Variants in RUVBL2 observed in about 807,000 individuals in gnomAD.
The protein encoded by RUVBL2 is RuvB like AAA ATPase 2.
RUVBL2 carries 9 observed loss-of-function variants against 57.9 expected under a neutral mutation model. That is an observed-to-expected ratio of 0.16 (90% confidence interval 0.09 to 0.27). RUVBL2 has a LOEUF of 0.27. RUVBL2 is among the 10% of genes least tolerant of loss of function. The pLI, the probability that RUVBL2 is intolerant of heterozygous loss-of-function variation, is 1.00. For synonymous variants in RUVBL2, 278 were observed against 264.6 expected (o/e 1.05, Z -0.49); for missense variants, 456 against 669.6 (o/e 0.68, Z 3.52).
At chr19:49,010,467 T>TGGCCCCC in intron 8 of RUVBL2, 21 bp from the exon 9 acceptor site, 6 of 1,401,190 alleles carry the variant, frequency 4.3e-6, no homozygotes, top group Non-Finnish European at 6.0e-6. Flanking sequence ...CCGCCGTTCT[T>TGGCCCCC]CCCCCACCCC....
chr19:49,009,404 G>A (rs905484611), intron 6 of RUVBL2, among the ~76,000 whole-genome samples: 34 of 149,228 alleles, frequency 2.3e-4, no homozygotes, highest in African/African-American at 5.9e-4. Flanking sequence ...GGAGAATGGC[G>A]TGAACCCGGG....
chr19:48,998,421 A>G (rs2039106863), intron 1 of RUVBL2, among the ~76,000 whole-genome samples: 1 of 152,136 alleles, frequency 6.6e-6, no homozygotes, highest in African/African-American at 2.4e-5. Flanking sequence ...TTGTCTGGGC[A>G]CGGTGGTTCA....
chr19:48,993,750 G>A, upstream of RUVBL2: 1 of 881,532 alleles, frequency 1.1e-6, no homozygotes, highest in Non-Finnish European at 1.8e-6. Flanking sequence ...CGCAGCCTCG[G>A]TGGGAGGGCG....
intron 7 of RUVBL2, 21 bp from the exon 8 acceptor site, chr19:49,009,952 C>T (rs1600189596): frequency 1.2e-6 from 2 of 1,609,364 alleles, no homozygotes; most frequent in South Asian, 2.2e-5. Context: ...TTTCCTTACC[C>T]TACCCCCCAT....
Position 49,006,361 on chromosome 19 carries a change from C to T in RUVBL2, c.266-657C>T, listed in dbSNP as rs564174565. 3.4e-3 allele frequency among the ~76,000 whole-genome samples: 525 copies of T among 152,356 alleles called. 2 individuals are homozygous for T. Among genetic ancestry groups the T allele is most frequent in the Non-Finnish European group, 5.3e-3 (359 of 68,040 alleles). ...AGACAGACCTGCTTCCTGCCAGCCACCCCAGGCCACCGGCGGTAGAGCGTC... is the reference window on the plus strand; with the variant it reads ...AGACAGACCTGCTTCCTGCCAGCCATCCCAGGCCACCGGCGGTAGAGCGTC... On this transcript the variant is annotated intron_variant, in intron 4 of 14. Coordinates refer to ENST00000595090, the MANE Select transcript of RUVBL2 (RefSeq NM_006666.3).
At chr19:49,006,346 G>A (rs1437287793) in intron 4 of RUVBL2, among the ~76,000 whole-genome samples, 2 of 152,262 alleles carry the variant, frequency 1.3e-5, no homozygotes, top group Non-Finnish European at 2.9e-5. Context: ...AGACAGACCT[G>A]CTTCCTGCCA....
chr19:49,007,203 A>G (rs2039299164), intron 5 of RUVBL2, 56 bp downstream of exon 5: 10 of 1,609,050 alleles, frequency 6.2e-6, no homozygotes, highest in Admixed American at 1.7e-5. Context: ...GCAACCCCGC[A>G]CCCCGGGCGG....
chr19:49,011,531 C>T lies in RUVBL2; in HGVS notation c.1001+221C>T, dbSNP rs1166553050. ...CTTTCTGTCTTGCTGCTCCTTTAGC[C>T]CCCAAGGCTGCAGTCTTCAAACTGC... On this transcript the variant is annotated intron_variant, in intron 11 of 14. Coordinates refer to ENST00000595090, the MANE Select transcript of RUVBL2 (RefSeq NM_006666.3). This position sits in a 1 kb window ranked among gnomAD's most constrained non-coding sequence, Gnocchi z 4.4. 1.3e-5 allele frequency among the ~76,000 whole-genome samples: 2 copies of T among 152,320 alleles called. No homozygotes were observed. Among genetic ancestry groups the T allele is most frequent in the East Asian group, 1.9e-4 (1 of 5,190 alleles).
intron 1 of RUVBL2, 124 bp downstream of exon 1, chr19:48,994,047 T>C: frequency 9.4e-7 from 1 of 1,068,804 alleles, no homozygotes; most frequent in Non-Finnish European, 1.3e-6. Flanking sequence ...GACTCCTGGG[T>C]CTGAAAGAGG....
rs986529969 is a variant in RUVBL2, at chr19:48,996,613, C to T, written c.12+2690C>T. On this transcript the variant is annotated intron_variant, in intron 1 of 14. Coordinates refer to ENST00000595090, the MANE Select transcript of RUVBL2 (RefSeq NM_006666.3). ...CGATCTCTGCTCGCTACAACCTCCG[C>T]CTCCTGGGTTCAAGCAATTCTCCTG... Among the ~76,000 whole-genome samples, 14 of 152,056 alleles carry T rather than the reference C, an allele frequency of 9.2e-5. 1 individual carries two copies. The highest frequency in any genetic ancestry group is 9.2e-4 in the Admixed American group (14 of 15,256).
intron 2 of RUVBL2, 72 bp downstream of exon 2, chr19:48,999,445 G>A (rs1205328725): frequency 1.3e-5 from 19 of 1,505,726 alleles, no homozygotes; most frequent in Non-Finnish European, 1.6e-5. Context: ...AACCTATTGA[G>A]GACCCCTAAG....
chr19:49,014,093 C>T lies in RUVBL2; in HGVS notation c.1002-391C>T, dbSNP rs1050999019. Among the ~76,000 whole-genome samples, 19 of 152,374 alleles carry T rather than the reference C, an allele frequency of 1.2e-4. No individual in the cohort carries two copies. The East Asian group carries it at 3.7e-3, about 29-fold the overall frequency. ...AGTGTTCACGATGACTTTCTAGAAC[C>T]TCACTACTGTGAATAAGGGGAACTG... On this transcript the variant is annotated intron_variant, in intron 11 of 14. Coordinates refer to ENST00000595090, the MANE Select transcript of RUVBL2 (RefSeq NM_006666.3).
Position 49,007,305 on chromosome 19 carries a change from G to A in RUVBL2, c.399G>A (p.Glu133=), listed in dbSNP as rs759278046. 1 of 1,613,940 alleles carries A rather than the reference G, an allele frequency of 6.2e-7. No individual in the cohort carries two copies. Among genetic ancestry groups the A allele is most frequent in the South Asian group, 1.1e-5 (1 of 90,986 alleles). ...CTCAGATCTGCTCTCTGGCTAGGGA[G>A]GAGACGGAGATCATCGAAGGGGAGG... is the stretch of plus-strand genomic sequence containing the variant. ...FRRSIGVRIK[E]ETEIIEGEVV... The change falls in exon 6 of 15, where the codon GAG becomes GAA. Residue 133 remains glutamate, a synonymous_variant. Transcript: ENST00000595090.
chr19:49,010,933 GC>G, intron 9 of RUVBL2, 65 bp from the exon 10 acceptor site: 1 of 1,393,048 alleles, frequency 7.2e-7, no homozygotes, highest in Non-Finnish European at 1.0e-6. Context: ...CTCTGTCTTA[GC>G]CACACTCTGG....
At chr19:48,997,079 C>T (rs2039077126) in intron 1 of RUVBL2, among the ~76,000 whole-genome samples, 1 of 152,108 alleles carries the variant, frequency 6.6e-6, no homozygotes, top group Non-Finnish European at 1.5e-5. Flanking sequence ...CTTGTGCAGC[C>T]ATTTCCACAG....
intron 2 of RUVBL2, among the ~76,000 whole-genome samples, chr19:49,000,214 C>A (rs2039151079): frequency 6.6e-6 from 1 of 152,190 alleles, no homozygotes; most frequent in Non-Finnish European, 1.5e-5. Flanking sequence ...TAAGGTAGTT[C>A]ATATAAAGCA....
intron 1 of RUVBL2, among the ~76,000 whole-genome samples, chr19:48,995,307 T>C (rs184866128): frequency 3.3e-5 from 5 of 151,226 alleles, no homozygotes; most frequent in Admixed American, 3.3e-4. Flanking sequence ...GAGAGCTACA[T>C]TTGGGATTCC....
chr19:48,994,010 C>T (rs1383943266), intron 1 of RUVBL2, 87 bp downstream of exon 1: 1 of 1,403,976 alleles, frequency 7.1e-7, no homozygotes, highest in Non-Finnish European at 9.6e-7. Context: ...ACTCCTGGGT[C>T]TGAGGGAGGG....
rs1251114000 is a variant in RUVBL2, at chr19:49,015,939, A to G, written c.*97A>G. The G allele has an allele frequency of 1.2e-5, 19 of 1,613,736 alleles. No individual in the cohort carries two copies. Among genetic ancestry groups the G allele is most frequent in the Non-Finnish European group, 1.4e-5 (17 of 1,179,746 alleles). ...TTGGGAAGCTGCACCCACCCTGTGT[A>G]TGTGTGGTTGCCCTGAGCCCACAGA... On this transcript the variant is annotated 3_prime_UTR_variant, in exon 15 of 15. Coordinates refer to ENST00000595090, the MANE Select transcript of RUVBL2 (RefSeq NM_006666.3).
Sources: gnomAD v4.1 joint callset for allele counts (sites outside exome capture counted in the v4.1 genomes callset) on GRCh38, gnomAD v4.1.1 for gene constraint, Gnocchi (gnomAD v3.1) non-coding constraint, MANE v1.5 for transcripts, NCBI Gene and HGNC (gene_info 2026-07-23, HGNC 2026-07-21) for gene names.